The following DYNC2H1 variants were observed in gnomAD, a reference collection of about 807,000 sequenced individuals.
DYNC2H1 encodes dynein cytoplasmic 2 heavy chain 1.
A neutral mutation model predicts 570.0 loss-of-function variants in DYNC2H1; 410 were observed. That is an observed-to-expected ratio of 0.72 (90% CI 0.66 to 0.78). The LOEUF (loss-of-function observed/expected upper bound fraction) is 0.78, where lower values mean the gene tolerates loss of function less well. Among genes scored for constraint, DYNC2H1 ranks in the 30% least tolerant of loss-of-function variants. DYNC2H1 has a pLI of 0.00. For synonymous variants in DYNC2H1, 1,688 were observed against 1,677.6 expected, an observed-to-expected ratio of 1.01 and a Z score of -0.15; for missense variants, 4,865 against 5,046.4, an observed-to-expected ratio of 0.96 and a Z score of 1.09.
At chr11:103,276,380 T>G (rs988843546) in intron 70 of DYNC2H1, among the ~76,000 whole-genome samples, 1 of 152,106 alleles carries the variant, frequency 6.6e-6, no homozygotes, top group Non-Finnish European at 1.5e-5. Context: ...GGTTTATAAT[T>G]ACACATACAT....
rs1435036307 is a variant in DYNC2H1 at position 103,244,879 on chromosome 11, CAT to C, written c.9919-370_9919-369del. 2.6e-5 allele frequency among the ~76,000 whole-genome samples: 4 copies of C among 151,038 alleles called. No homozygotes were observed. The highest frequency in any genetic ancestry group is 4.4e-5 in the Non-Finnish European group (3 of 67,648). Reference sequence around the variant, plus strand: ...ACACACACATATATATATACACACACATACCACACATACACACACACATACAC... The same window carrying C: ...ACACACACATATATATATACACACACACCACACATACACACACACATACAC... On this transcript the variant is annotated intron_variant, in intron 64 of 88. Transcript: ENST00000375735. This position sits in a 1 kb window ranked among gnomAD's most constrained non-coding sequence, Gnocchi z 4.3.
chr11:103,463,758 C>CCAAA (rs1945098828), intron 87 of DYNC2H1, among the ~76,000 whole-genome samples: 2 of 152,042 alleles, frequency 1.3e-5, no homozygotes, highest in African/African-American at 4.8e-5. Context: ...CCGCAAATAA[C>CCAAA]CAAACAAACA....
At chr11:103,456,496 C>A in intron 87 of DYNC2H1, 140 bp downstream of exon 87, 1 of 556,044 alleles carries the variant, frequency 1.8e-6, no homozygotes, top group South Asian at 5.0e-5. Flanking sequence ...TGTGAAAAAT[C>A]AAAATAAGAT....
chr11:103,476,334 A>G (rs902063446), intron 88 of DYNC2H1, among the ~76,000 whole-genome samples: 6 of 152,046 alleles, frequency 3.9e-5, no homozygotes, highest in African/African-American at 1.4e-4. Flanking sequence ...CATTTTCTTT[A>G]TTTTGATTTT....
chr11:103,172,365 A>G (rs940211512), intron 34 of DYNC2H1, among the ~76,000 whole-genome samples: 2 of 151,946 alleles, frequency 1.3e-5, no homozygotes, highest in Admixed American at 6.6e-5. Context: ...TCCCTCCTCT[A>G]CCAATTCCTC....
At chr11:103,214,113 GA>G (rs1449737457) in intron 54 of DYNC2H1, among the ~76,000 whole-genome samples, 2 of 151,972 alleles carry the variant, frequency 1.3e-5, no homozygotes, top group African/African-American at 4.8e-5. Flanking sequence ...ATACTTTGCT[GA>G]AAATCAGTGG....
chr11:103,126,659 C>T (rs1338288362), intron 12 of DYNC2H1, among the ~76,000 whole-genome samples: 7 of 138,604 alleles, frequency 5.1e-5, no homozygotes, highest in African/African-American at 1.3e-4. Context: ...TTTTTTGAGA[C>T]GGAGTCTCGC....
rs551414320 is a variant in DYNC2H1 at position 103,116,223 on chromosome 11, A to C, written c.622-347A>C. On this transcript the variant is annotated intron_variant, in intron 4 of 88. Transcript: ENST00000375735. ...AATATTATGAATTAATAATGAATGA[A>C]TAAAGACATGCGAACTACAGTGGGT... 7.2e-5 allele frequency among the ~76,000 whole-genome samples: 11 copies of C among 152,334 alleles called. 2 individuals are homozygous for C. The South Asian group carries it at 2.3e-3, about 32-fold the overall frequency.
chr11:103,435,477 T>G (rs1046478180), intron 84 of DYNC2H1, among the ~76,000 whole-genome samples: 28 of 152,272 alleles, frequency 1.8e-4, no homozygotes, highest in African/African-American at 6.7e-4. Context: ...GTTTTATTTA[T>G]TTTTAATTTC....
chr11:103,235,312 A>G (rs11225613), intron 61 of DYNC2H1, among the ~76,000 whole-genome samples: 26,717 of 151,716 alleles, frequency 0.18, 2,992 homozygotes, highest in African/African-American at 0.32. Context: ...ATGGGTCTTC[A>G]TGCTGTAGCT....
intron 82 of DYNC2H1, among the ~76,000 whole-genome samples, chr11:103,339,387 G>A (rs10895399): frequency 0.22 from 33,001 of 152,126 alleles, 3,722 homozygotes; most frequent in Admixed American, 0.31. Context: ...ATATCAAGTG[G>A]TGAGTTCTGC....
At chr11:103,386,226 G>A (rs1941863388) in intron 83 of DYNC2H1, among the ~76,000 whole-genome samples, 1 of 152,134 alleles carries the variant, frequency 6.6e-6, no homozygotes, top group African/African-American at 2.4e-5. Flanking sequence ...TTGAGCAACT[G>A]TGAAATAAGT....
At chr11:103,304,519 T>C in intron 76 of DYNC2H1, 76 bp from the exon 77 acceptor site, 2 of 1,458,034 alleles carry the variant, frequency 1.4e-6, no homozygotes, top group East Asian at 2.4e-5. Context: ...ATTACTATTA[T>C]TGAATCTCAT....
At chr11:103,314,498 GATCCCTATGC>G (rs1937699982) in intron 79 of DYNC2H1, among the ~76,000 whole-genome samples, 1 of 151,934 alleles carries the variant, frequency 6.6e-6, no homozygotes. Flanking sequence ...TTGCAATGGA[GATCCCTATGC>G]ATGCTTCATT....
chr11:103,125,341 A>T, intron 12 of DYNC2H1, 46 bp downstream of exon 12: 1 of 1,324,476 alleles, frequency 7.6e-7, no homozygotes, highest in Non-Finnish European at 1.0e-6. Context: ...GGAGTTCATT[A>T]CGTTAAACTA....
intron 62 of DYNC2H1, 109 bp from the exon 63 acceptor site, chr11:103,236,321 A>G: frequency 2.9e-6 from 2 of 690,154 alleles, no homozygotes; most frequent in Non-Finnish European, 5.0e-6. Flanking sequence ...AATGGGTTTC[A>G]AGTAAGGACT....
At chr11:103,179,408 T>A (rs1347173146) in intron 39 of DYNC2H1, among the ~76,000 whole-genome samples, 175 bp downstream of exon 39, 1 of 151,926 alleles carries the variant, frequency 6.6e-6, no homozygotes, top group Non-Finnish European at 1.5e-5. Flanking sequence ...TATTACAAAA[T>A]TGAATTATTT....
chr11:103,206,627 C>G (rs1339685512), intron 52 of DYNC2H1, among the ~76,000 whole-genome samples: 1 of 151,386 alleles, frequency 6.6e-6, no homozygotes. Flanking sequence ...AAGAAGAAAA[C>G]CAGACAAACA....
At chr11:103,312,550 A>AAG (rs1183604583) in intron 79 of DYNC2H1, among the ~76,000 whole-genome samples, 7 of 129,712 alleles carry the variant, frequency 5.4e-5, no homozygotes, top group African/African-American at 2.0e-4. Flanking sequence ...TCAAAAAAAA[A>AAG]AAAAAAAAAA....
Sources: gnomAD v4.1 joint callset for allele counts (sites outside exome capture counted in the v4.1 genomes callset) on GRCh38, gnomAD v4.1.1 for gene constraint, Gnocchi (gnomAD v3.1) non-coding constraint, MANE v1.5 for transcripts, NCBI Gene and HGNC (gene_info 2026-07-23, HGNC 2026-07-21) for gene names.